The following EXOC4 variants were observed in gnomAD, a reference collection of about 807,000 sequenced individuals.
The protein encoded by EXOC4 is exocyst complex component 4, also known as SEC8-like 1.
EXOC4 carries 71 observed loss-of-function variants against 107.2 expected under a neutral mutation model. The ratio of observed to expected loss-of-function variants is 0.66; its 90% confidence interval spans 0.55 to 0.81. EXOC4 has a LOEUF of 0.81. EXOC4 is among the 30% of genes least tolerant of loss of function. The probability of loss-of-function intolerance (pLI) is 0.00; values close to 1 mark genes in which losing one functional copy is unlikely to be tolerated. For missense variants in EXOC4, 1,108 were observed against 1,189.6 expected, an observed-to-expected ratio of 0.93 and a Z score of 1.01; for synonymous variants, 456 against 441.2, an observed-to-expected ratio of 1.03 and a Z score of -0.42.
chr7:133,814,687 G>A (rs1797322718), intron 10 of EXOC4, among the ~76,000 whole-genome samples: 1 of 152,142 alleles, frequency 6.6e-6, no homozygotes, highest in Non-Finnish European at 1.5e-5. Flanking sequence ...GCAACAGAGT[G>A]TGTTTTCAAA....
intron 14 of EXOC4, among the ~76,000 whole-genome samples, chr7:133,955,981 G>A (rs1426607197): frequency 6.6e-6 from 1 of 152,186 alleles, no homozygotes; most frequent in Non-Finnish European, 1.5e-5. Flanking sequence ...GTCCAGAGAT[G>A]CCCAGGTCCA....
At chr7:133,312,645 A>G (rs1336821047) in intron 4 of EXOC4, among the ~76,000 whole-genome samples, 1 of 152,066 alleles carries the variant, frequency 6.6e-6, no homozygotes. Flanking sequence ...TTGAAAAAGG[A>G]GCATGCGTGC....
chr7:133,778,867 CATG>C (rs1796403106), intron 10 of EXOC4, among the ~76,000 whole-genome samples: 1 of 152,184 alleles, frequency 6.6e-6, no homozygotes, highest in South Asian at 2.1e-4. Flanking sequence ...TTTAGCCTCA[CATG>C]GGCTGCATCA....
At chr7:133,963,833 A>T (rs1801001091) in intron 14 of EXOC4, among the ~76,000 whole-genome samples, 1 of 152,216 alleles carries the variant, frequency 6.6e-6, no homozygotes, top group South Asian at 2.1e-4. Flanking sequence ...TTTGGGGATT[A>T]CAACCTAATG....
intron 10 of EXOC4, among the ~76,000 whole-genome samples, chr7:133,650,702 T>A (rs1016994420): frequency 6.6e-6 from 1 of 152,146 alleles, no homozygotes; most frequent in African/African-American, 2.4e-5. Flanking sequence ...CGACTTCGTA[T>A]TGAAGCCCAA....
intron 9 of EXOC4, among the ~76,000 whole-genome samples, chr7:133,588,762 T>C (rs1462394993): frequency 5.3e-5 from 8 of 151,862 alleles, no homozygotes; most frequent in Non-Finnish European, 1.2e-4. Context: ...GCATGGTGAC[T>C]CCTACTCAGG....
At chr7:133,314,403 G>A (rs1488158251) in intron 4 of EXOC4, among the ~76,000 whole-genome samples, 1 of 152,076 alleles carries the variant, frequency 6.6e-6, no homozygotes, top group Non-Finnish European at 1.5e-5. Context: ...GAAGCTTAAG[G>A]GAAAATTTTA....
chr7:133,694,564 T>A (rs1363015931), intron 10 of EXOC4, among the ~76,000 whole-genome samples: 1 of 152,180 alleles, frequency 6.6e-6, no homozygotes, highest in East Asian at 1.9e-4. Context: ...GAAGATATAT[T>A]CTCATTTCAT....
chr7:133,688,976 G>GTCC (rs754884615), intron 10 of EXOC4, among the ~76,000 whole-genome samples: 4 of 152,136 alleles, frequency 2.6e-5, no homozygotes, highest in Non-Finnish European at 4.4e-5. Flanking sequence ...ATATGGCCCA[G>GTCC]TCCTCATTCC....
Position 133,839,480 on chromosome 7 carries a change from C to T in EXOC4, c.1734+21936C>T, listed in dbSNP as rs903413892. 2.6e-5 allele frequency among the ~76,000 whole-genome samples: 4 copies of T among 152,182 alleles called. No individual in the cohort carries two copies. In the South Asian group the frequency reaches 8.3e-4, roughly 32 times the overall value. On this transcript the variant is annotated intron_variant, in intron 11 of 17. Coordinates refer to ENST00000253861, the MANE Select transcript of EXOC4 (RefSeq NM_021807.4). ...TGTGCTCTGGTGAAAAATGTATGCT[C>T]TTAATAAATTCATTTTCACTGTATT...
intron 11 of EXOC4, among the ~76,000 whole-genome samples, chr7:133,881,706 A>G (rs1351881338): frequency 6.6e-6 from 1 of 152,120 alleles, no homozygotes; most frequent in Non-Finnish European, 1.5e-5. Flanking sequence ...ATATTTAATC[A>G]ATTAGCTGAG....
chr7:133,970,688 G>A (rs545035992), intron 14 of EXOC4, among the ~76,000 whole-genome samples: 295 of 152,174 alleles, frequency 1.9e-3, no homozygotes, highest in African/African-American at 5.7e-3. Flanking sequence ...GTGTCTAACC[G>A]GTCCCAATGA....
chr7:133,404,394 C>T (rs1436046397), intron 7 of EXOC4, among the ~76,000 whole-genome samples: 3 of 152,132 alleles, frequency 2.0e-5, no homozygotes, highest in Non-Finnish European at 4.4e-5. Context: ...TGAGCCACCG[C>T]GCCCAGCCCC....
chr7:133,540,611 A>G (rs952021495), intron 9 of EXOC4, among the ~76,000 whole-genome samples: 4 of 152,122 alleles, frequency 2.6e-5, no homozygotes, highest in East Asian at 1.9e-4. Flanking sequence ...AGCTCTTTGC[A>G]TATATATATG....
At chr7:133,913,854 T>C (rs1255083527) in intron 12 of EXOC4, among the ~76,000 whole-genome samples, 1 of 152,168 alleles carries the variant, frequency 6.6e-6, no homozygotes, top group Non-Finnish European at 1.5e-5. Flanking sequence ...AAGTCAGCAA[T>C]GCAGAATTCT....
At chr7:133,435,360 G>A (rs550470276) in intron 7 of EXOC4, among the ~76,000 whole-genome samples, 4 of 151,834 alleles carry the variant, frequency 2.6e-5, no homozygotes, top group South Asian at 2.1e-4. Flanking sequence ...TTGGGGGTAG[G>A]TTATCATGTC....
chr7:133,820,941 T>C (rs748665192), intron 11 of EXOC4, among the ~76,000 whole-genome samples: 1 of 152,170 alleles, frequency 6.6e-6, no homozygotes, highest in Admixed American at 6.5e-5. Flanking sequence ...CAACATGTGT[T>C]CTCAGTGATT....
intron 9 of EXOC4, among the ~76,000 whole-genome samples, chr7:133,539,590 G>C (rs1322053639): frequency 1.3e-5 from 2 of 151,308 alleles, no homozygotes; most frequent in African/African-American, 4.9e-5. Context: ...AAAGTCTGTG[G>C]GGTGGGGGGG....
rs1563076231 is a variant in EXOC4, at chr7:133,971,880, A to T, written c.2207-25612A>T. 2.6e-5 allele frequency among the ~76,000 whole-genome samples: 4 copies of T among 152,246 alleles called. 1 individual carries two copies. The South Asian group carries it at 8.3e-4, about 31-fold the overall frequency. The stretch of plus-strand genomic sequence containing the variant: ...GACCGCAGTCAGGCCTGCTTATCAC[A>T]GCTCATCTTAGATGACTTTACATCA... On this transcript the variant is annotated intron_variant, in intron 14 of 17. Transcript: ENST00000253861.
Sources: allele counts gnomAD v4.1 joint callset (sites outside exome capture counted in the v4.1 genomes callset), GRCh38; gene constraint gnomAD v4.1.1; transcripts MANE v1.5; gene names NCBI Gene and HGNC (gene_info 2026-07-23, HGNC 2026-07-21).